Variants in C1GALT1 observed in about 807,000 individuals in gnomAD.
C1GALT1 encodes glycoprotein-N-acetylgalactosamine 3-beta-galactosyltransferase 1.
In C1GALT1, 11 loss-of-function variants were observed where a neutral mutation model predicts 31.0. That is an observed-to-expected ratio of 0.36 (90% CI 0.22 to 0.59). C1GALT1 has a LOEUF of 0.59. C1GALT1 is among the 20% of genes least tolerant of loss of function. C1GALT1 has a pLI of 0.79. For synonymous variants in C1GALT1, 175 were observed against 143.6 expected (o/e 1.22, Z -1.56); for missense variants, 424 against 425.2 (o/e 1.00, Z 0.03).
intron 1 of C1GALT1, among the ~76,000 whole-genome samples, chr7:7,212,324 G>A (rs1203743993): frequency 1.3e-5 from 2 of 152,154 alleles, no homozygotes; most frequent in Non-Finnish European, 2.9e-5. Context: ...TATTGGCTCT[G>A]CGTGTCAAGC....
chr7:7,238,376 T>G lies in C1GALT1; in HGVS notation c.342T>G (p.Arg114=), dbSNP rs751046391. 1.2e-6 allele frequency: 2 copies of G among 1,614,004 alleles called. No individual in the cohort carries two copies. The highest frequency in any genetic ancestry group is 1.7e-6 in the Non-Finnish European group (2 of 1,180,014). Residue 114 remains arginine, a synonymous_variant, in exon 3 of 4, where the codon CGT becomes CGG. Transcript: ENST00000436587. This position sits in a 1 kb window ranked among gnomAD's most constrained non-coding sequence, Gnocchi z 5.2. ...AKHVKATWAQ[R]CNKVLFMSSE... ...ACGTCAAAGCTACTTGGGCCCAGCGTTGTAACAAAGTGTTGTTTATGAGTT... is the reference window on the plus strand; with the variant it reads ...ACGTCAAAGCTACTTGGGCCCAGCGGTGTAACAAAGTGTTGTTTATGAGTT...
intron 1 of C1GALT1, chr7:7,183,522 A>C (rs1392697679): frequency 1.0e-6 from 1 of 968,506 alleles, no homozygotes; most frequent in African/African-American, 1.8e-5. Context: ...TTGCTTCTGC[A>C]CCCCATTTTT....
intron 1 of C1GALT1, among the ~76,000 whole-genome samples, chr7:7,220,351 T>G (rs1242358047): frequency 1.3e-5 from 2 of 152,238 alleles, no homozygotes; most frequent in Non-Finnish European, 2.9e-5. Context: ...TTCTTTTTAA[T>G]TTGTAATTCA....
intron 1 of C1GALT1, among the ~76,000 whole-genome samples, chr7:7,211,146 T>A (rs973415863): frequency 6.6e-6 from 1 of 152,044 alleles, no homozygotes; most frequent in Non-Finnish European, 1.5e-5. Context: ...TGCAGCACCA[T>A]TTGGAGATTG....
At chr7:7,239,026 A>T (rs1783500497) in intron 3 of C1GALT1, 104 bp downstream of exon 3, 1 of 912,262 alleles carries the variant, frequency 1.1e-6, no homozygotes, top group South Asian at 1.7e-5. Flanking sequence ...AACAACAAGG[A>T]CTCTTCCTTA....
At chr7:7,216,359 A>G (rs1243106557) in intron 1 of C1GALT1, among the ~76,000 whole-genome samples, 2 of 152,150 alleles carry the variant, frequency 1.3e-5, no homozygotes, top group Admixed American at 6.5e-5. Flanking sequence ...GGTTGTAGGC[A>G]TGGTCCTCCA....
chr7:7,219,279 G>A (rs1004875583), intron 1 of C1GALT1, among the ~76,000 whole-genome samples: 4 of 152,108 alleles, frequency 2.6e-5, no homozygotes, highest in Admixed American at 6.5e-5. Flanking sequence ...ATGTATCATT[G>A]TACATTTGTC....
intron 2 of C1GALT1, chr7:7,157,447 G>T (rs1053885330): frequency 1.3e-5 from 2 of 152,168 alleles, no homozygotes; most frequent in Admixed American, 1.3e-4. Context: ...CTTATCTTTT[G>T]CTATTCTAGT....
At chr7:7,167,051 A>T (rs536272248) in intron 2 of C1GALT1, among the ~76,000 whole-genome samples, 2 of 152,334 alleles carry the variant, frequency 1.3e-5, no homozygotes, top group South Asian at 4.1e-4. Flanking sequence ...CACCAGGCTC[A>T]GAGTATTCCA....
chr7:7,240,834 A>T (rs992392152), intron 3 of C1GALT1, among the ~76,000 whole-genome samples: 1 of 152,108 alleles, frequency 6.6e-6, no homozygotes, highest in Non-Finnish European at 1.5e-5. Flanking sequence ...ATCATTTAGT[A>T]AGTTTTCTTC....
At position 7,243,701 on chromosome 7, in the gene C1GALT1, A is replaced by G; in HGVS notation, c.1066A>G (p.Thr356Ala). 1.2e-6 allele frequency: 2 copies of G among 1,607,186 alleles called. No homozygotes were observed. The highest frequency in any genetic ancestry group is 1.7e-6 in the Non-Finnish European group (2 of 1,177,776). The change falls in exon 4 of 4, where the codon ACA (threonine) becomes GCA (alanine). Residue 356 changes from threonine to alanine, a missense_variant. Thr to Ala is a moderately conservative substitution (Grantham distance 58). This residue lies in a region of C1GALT1 where 191 missense variants were observed against 188.8 expected (regional missense o/e 1.01). Coordinates refer to ENST00000436587, the MANE Select transcript of C1GALT1 (RefSeq NM_020156.5). ...EISQANKNEDTKVKLGNP is the reference protein window; with the variant it reads ...EISQANKNEDAKVKLGNP The stretch of plus-strand genomic sequence containing the variant: ...TAGTCAAGCAAACAAAAATGAAGAT[A>G]CAAAAGTGAAGTTAGGAAATCCTTG...
At chr7:7,203,989 C>G (rs1329588449) in intron 1 of C1GALT1, among the ~76,000 whole-genome samples, 1 of 151,906 alleles carries the variant, frequency 6.6e-6, no homozygotes, top group Non-Finnish European at 1.5e-5. Flanking sequence ...TTCTTGGTTT[C>G]TACTATCCTT....
chr7:7,188,025 G>A (rs1479707171), intron 1 of C1GALT1, among the ~76,000 whole-genome samples: 14 of 152,148 alleles, frequency 9.2e-5, no homozygotes, highest in Admixed American at 9.2e-4. Context: ...ATGAGTTAAA[G>A]AGGGATAGCA....
chr7:7,176,217 A>G (rs1471717351), intron 2 of C1GALT1, among the ~76,000 whole-genome samples: 1 of 152,210 alleles, frequency 6.6e-6, no homozygotes, highest in Non-Finnish European at 1.5e-5. Flanking sequence ...TTCTCTATGG[A>G]GGATGAATAG....
chr7:7,240,173 G>A (rs1783562323), intron 3 of C1GALT1, among the ~76,000 whole-genome samples: 1 of 152,182 alleles, frequency 6.6e-6, no homozygotes, highest in African/African-American at 2.4e-5. Flanking sequence ...GCAAGGTCTG[G>A]AGACATTTTT....
chr7:7,196,758 A>T (rs1030311758), intron 1 of C1GALT1, among the ~76,000 whole-genome samples: 1 of 152,166 alleles, frequency 6.6e-6, no homozygotes, highest in African/African-American at 2.4e-5. Context: ...TCGCCATTCT[A>T]ACTGGTGTGA....
chr7:7,244,775 A>ACACC lies in C1GALT1; in HGVS notation c.*1048_*1049insCACC, dbSNP rs1398373591. 1 of 152,214 alleles carries ACACC rather than the reference A, an allele frequency of 6.6e-6. No homozygotes were observed. Among genetic ancestry groups the ACACC allele is most frequent in the East Asian group, 1.9e-4 (1 of 5,208 alleles). The allele number at this position is 152,214 out of a possible 1,614,324, so 9.4% of individuals were successfully genotyped here. ...TTAGTTTATAGGATCTGAGGTGGCTATTAGTTACAGTGGCAAGATTATTTA... is the reference window on the plus strand; with the variant it reads ...TTAGTTTATAGGATCTGAGGTGGCTACACCTTAGTTACAGTGGCAAGATTATTTA... On this transcript the variant is annotated 3_prime_UTR_variant, in exon 4 of 4. Transcript: ENST00000436587.
At chr7:7,186,023 G>T (rs929182249) in intron 1 of C1GALT1, among the ~76,000 whole-genome samples, 2 of 147,582 alleles carry the variant, frequency 1.4e-5, no homozygotes, top group African/African-American at 5.1e-5. Context: ...TAGGAAGGCT[G>T]AAAAGTCCTG....
chr7:7,213,831 G>GA (rs1234509481), intron 1 of C1GALT1, among the ~76,000 whole-genome samples: 7 of 152,136 alleles, frequency 4.6e-5, no homozygotes, highest in Admixed American at 4.6e-4. Context: ...AGTGCCTTAA[G>GA]ACCCTCTTGC....
Sources: allele counts gnomAD v4.1 joint callset (sites outside exome capture counted in the v4.1 genomes callset), GRCh38; gene constraint gnomAD v4.1.1; regional missense constraint gnomAD v4.1.1; non-coding constraint Gnocchi (gnomAD v3.1); transcripts MANE v1.5; gene names NCBI Gene and HGNC (gene_info 2026-07-23, HGNC 2026-07-21).